The following PTPRN2 variants were observed in gnomAD, a reference collection of about 807,000 sequenced individuals.
PTPRN2 encodes the protein protein tyrosine phosphatase receptor type N2.
PTPRN2 carries 74 observed loss-of-function variants against 118.8 expected under a neutral mutation model. The ratio of observed to expected loss-of-function variants is 0.62; its 90% CI spans 0.52 to 0.76. The LOEUF is 0.76. PTPRN2 is among the 30% of genes least tolerant of loss of function. The probability of loss-of-function intolerance (pLI) is 0.00; values close to 1 mark genes in which losing one functional copy is unlikely to be tolerated. For missense variants in PTPRN2, 1,481 were observed against 1,394.4 expected (o/e 1.06, Z -0.99); for synonymous variants, 641 against 608.0 (o/e 1.05, Z -0.80).
At position 157,788,651 on chromosome 7, in the gene PTPRN2, C is replaced by T. The variant is rs946393191; in HGVS notation, c.1789-105714G>A. 7.2e-5 allele frequency among the ~76,000 whole-genome samples: 11 copies of T among 152,324 alleles called. No homozygotes were observed. The East Asian group carries it at 2.1e-3, about 29-fold the overall frequency. ...GGAGCCCAGCTCCCAGGCATGCAGCCCTGCTGGGCTATGCGGGGAAGATGT... is the reference window on the plus strand; with the variant it reads ...GGAGCCCAGCTCCCAGGCATGCAGCTCTGCTGGGCTATGCGGGGAAGATGT... On this transcript the variant is annotated intron_variant, in intron 12 of 22. Transcript: ENST00000389418.
chr7:158,529,536 T>C lies in PTPRN2; in HGVS notation c.113-39751A>G, dbSNP rs1825056340. 6.6e-6 allele frequency among the ~76,000 whole-genome samples: 1 copy of C among 152,088 alleles called. No individual in the cohort carries two copies. Among genetic ancestry groups the C allele is most frequent in the African/African-American group, 2.4e-5 (1 of 41,394 alleles). ...CATCGCTGCCTCTGGAACCACAGAGTGCTCTGTATTAGATATTTTGTGCAT... is the reference window on the plus strand; with the variant it reads ...CATCGCTGCCTCTGGAACCACAGAGCGCTCTGTATTAGATATTTTGTGCAT... On this transcript the variant is annotated intron_variant, in intron 1 of 22. Transcript: ENST00000389418. The surrounding 1 kb of genome is among the most constrained non-coding windows in gnomAD (Gnocchi z 4.7).
intron 5 of PTPRN2, among the ~76,000 whole-genome samples, chr7:158,171,270 TATATACAC>T (rs1823613126): frequency 1.6e-4 from 16 of 98,782 alleles, no homozygotes; most frequent in South Asian, 3.2e-4. Context: ...TATACACACA[TATATACAC>T]ACATATATAT....
At chr7:158,559,167 T>C (rs573127581) in intron 1 of PTPRN2, among the ~76,000 whole-genome samples, 2 of 152,338 alleles carry the variant, frequency 1.3e-5, no homozygotes, top group South Asian at 4.1e-4. Context: ...TTCTTTGTTC[T>C]TCATCACCCC....
At chr7:158,331,539 CATAAGAG>C (rs1804447348) in intron 2 of PTPRN2, among the ~76,000 whole-genome samples, 1 of 146,014 alleles carries the variant, frequency 6.8e-6, no homozygotes. Flanking sequence ...ACACTGTCAC[CATAAGAG>C]CTGACACCCG....
intron 12 of PTPRN2, among the ~76,000 whole-genome samples, chr7:157,720,411 C>A (rs952927295): frequency 2.0e-5 from 3 of 152,244 alleles, no homozygotes; most frequent in Non-Finnish European, 2.9e-5. Context: ...TCCTGCAGCT[C>A]CTGCTCTGTG....
At chr7:158,407,029 A>C (rs1813499086) in intron 2 of PTPRN2, among the ~76,000 whole-genome samples, 1 of 152,202 alleles carries the variant, frequency 6.6e-6, no homozygotes, top group African/African-American at 2.4e-5. Flanking sequence ...GGCTGTCAGC[A>C]AGGAACCCTC....
rs1348042260 is a variant in PTPRN2 at position 157,585,002 on chromosome 7, C to T, written c.2497-6862G>A. On this transcript the variant is annotated intron_variant, in intron 17 of 22. Transcript: ENST00000389418. The surrounding 1 kb of genome is among the most constrained non-coding windows in gnomAD (Gnocchi z 5.2). Reference sequence around the variant, plus strand: ...ACCCAACGCAGGGTGACAAAACCTTCGTGATGCCGTCCATGACCAGCTCAT... The same window carrying T: ...ACCCAACGCAGGGTGACAAAACCTTTGTGATGCCGTCCATGACCAGCTCAT... Among the ~76,000 whole-genome samples the T allele has an allele frequency of 1.3e-5, 2 of 152,150 alleles. No individual in the cohort carries two copies. Among genetic ancestry groups the T allele is most frequent in the East Asian group, 1.9e-4 (1 of 5,194 alleles).
intron 2 of PTPRN2, among the ~76,000 whole-genome samples, chr7:158,413,377 C>G (rs1814360330): frequency 1.3e-5 from 2 of 152,354 alleles, no homozygotes; most frequent in East Asian, 1.9e-4. Context: ...CACTTAGCAT[C>G]TGAACCCGAA....
chr7:158,497,967 C>T (rs975922100), intron 1 of PTPRN2, among the ~76,000 whole-genome samples: 6 of 152,382 alleles, frequency 3.9e-5, no homozygotes, highest in Non-Finnish European at 8.8e-5. Flanking sequence ...AGTGACCGTG[C>T]CTTACTGCAA....
intron 13 of PTPRN2, among the ~76,000 whole-genome samples, chr7:157,668,145 C>T (rs1400572742): frequency 4.6e-5 from 7 of 152,260 alleles, no homozygotes; most frequent in Non-Finnish European, 1.0e-4. Context: ...GGGCCCTGGG[C>T]GTGTCCGCAG....
chr7:158,203,596 A>ACCC lies in PTPRN2; in HGVS notation c.380+1572_380+1574dup, dbSNP rs56277723. On this transcript the variant is annotated intron_variant, in intron 4 of 22. Coordinates refer to ENST00000389418, the MANE Select transcript of PTPRN2 (RefSeq NM_002847.5). ...GCAGCTTCTGTTTGCCCTGTTCTGCACCCCCCCAGAGTGAGGAGGAGCCAT... is the reference window on the plus strand; with the variant it reads ...GCAGCTTCTGTTTGCCCTGTTCTGCACCCCCCCCCCAGAGTGAGGAGGAGCCAT... 1.3e-3 allele frequency among the ~76,000 whole-genome samples: 204 copies of ACCC among 151,120 alleles called. 1 individual carries two copies. The highest frequency in any genetic ancestry group is 4.7e-3 in the African/African-American group (194 of 41,156).
At position 158,340,405 on chromosome 7, in the gene PTPRN2, C is replaced by T. The variant is rs1430802574; in HGVS notation, c.164-23473G>A. Among the ~76,000 whole-genome samples, 36 of 74,210 alleles carry T rather than the reference C, an allele frequency of 4.9e-4. 1 individual carries two copies. The highest frequency in any genetic ancestry group is 1.7e-3 in the East Asian group (4 of 2,312). 48.7% of individuals were successfully genotyped at this position (74,210 alleles called of 152,430 possible). On this transcript the variant is annotated intron_variant, in intron 2 of 22. Transcript: ENST00000389418. Reference sequence around the variant, plus strand: ...TACTCTCACCATAAGAGCTGACACCCGCAGACGTCACTCACACACACACTC... The same window carrying T: ...TACTCTCACCATAAGAGCTGACACCTGCAGACGTCACTCACACACACACTC...
chr7:158,545,516 C>T (rs1273263743), intron 1 of PTPRN2, among the ~76,000 whole-genome samples: 4 of 152,308 alleles, frequency 2.6e-5, no homozygotes, highest in Non-Finnish European at 5.9e-5. Context: ...CAGCCGTCTG[C>T]GGGCCTCAGG....
In PTPRN2 at chr7:157,780,304, G is replaced by A. The variant is rs1803596537; in HGVS notation, c.1789-97367C>T. ...CACTCCCAGCTAACACCTGAAATAG[G>A]ATGGGATAGTGCACACTCTGAAGGT... On this transcript the variant is annotated intron_variant, in intron 12 of 22. Transcript: ENST00000389418. This position sits in a 1 kb window ranked among gnomAD's most constrained non-coding sequence, Gnocchi z 4.5. 6.6e-6 allele frequency among the ~76,000 whole-genome samples: 1 copy of A among 152,156 alleles called. No individual in the cohort carries two copies. Among genetic ancestry groups the A allele is most frequent in the Non-Finnish European group, 1.5e-5 (1 of 68,022 alleles).
chr7:158,002,760 C>T (rs892834339), intron 11 of PTPRN2, among the ~76,000 whole-genome samples: 6 of 152,150 alleles, frequency 3.9e-5, no homozygotes, highest in African/African-American at 1.2e-4. Flanking sequence ...ATGGACTTGC[C>T]GGGGAGGAAC....
intron 2 of PTPRN2, among the ~76,000 whole-genome samples, chr7:158,341,359 C>A: frequency 6.6e-6 from 1 of 151,388 alleles, no homozygotes; most frequent in East Asian, 2.0e-4. Flanking sequence ...TAAGAGGTAA[C>A]ACATGCAGAC....
intron 12 of PTPRN2, among the ~76,000 whole-genome samples, chr7:157,786,334 G>C (rs994229805): frequency 6.6e-6 from 1 of 152,232 alleles, no homozygotes; most frequent in African/African-American, 2.4e-5. Context: ...TTGAAAAACT[G>C]CCTAAGTATC....
chr7:158,532,618 C>CA (rs55857496), intron 1 of PTPRN2: 24 of 458,036 alleles, frequency 5.2e-5, no homozygotes, highest in South Asian at 1.5e-4. Flanking sequence ...AAGAAAAGAC[C>CA]AAAAACGTCA....
At chr7:157,922,852 C>T (rs549423522) in intron 11 of PTPRN2, among the ~76,000 whole-genome samples, 1 of 152,338 alleles carries the variant, frequency 6.6e-6, no homozygotes, top group African/African-American at 2.4e-5. Flanking sequence ...AGGTCACTCG[C>T]TTACAAAAAC....
Sources: allele counts gnomAD v4.1 joint callset (sites outside exome capture counted in the v4.1 genomes callset), GRCh38; gene constraint gnomAD v4.1.1; non-coding constraint Gnocchi (gnomAD v3.1); transcripts MANE v1.5; gene names NCBI Gene and HGNC (gene_info 2026-07-23, HGNC 2026-07-21).